The following CUX1 variants were observed in gnomAD, a reference collection of about 807,000 sequenced individuals.
The protein encoded by CUX1 is cut like homeobox 1.
CUX1 carries 31 observed loss-of-function variants against 158.8 expected under a neutral mutation model. The ratio of observed to expected loss-of-function variants is 0.20; its 90% confidence interval spans 0.15 to 0.26. The LOEUF (loss-of-function observed/expected upper bound fraction) is 0.26, where lower values mean the gene tolerates loss of function less well. CUX1 is among the 10% of genes least tolerant of loss of function. The pLI is 1.00. For missense variants in CUX1, 1,589 were observed against 2,014.6 expected, an observed-to-expected ratio of 0.79 and a Z score of 4.04; for synonymous variants, 879 against 862.1, an observed-to-expected ratio of 1.02 and a Z score of -0.34.
intron 1 of CUX1, among the ~76,000 whole-genome samples, chr7:101,844,816 A>G (rs764032741): frequency 6.6e-5 from 10 of 151,994 alleles, no homozygotes; most frequent in Admixed American, 2.6e-4. Context: ...GGGTTTCACC[A>G]CGTTGGCCAG....
chr7:101,918,175 G>A (rs542654353), intron 2 of CUX1, among the ~76,000 whole-genome samples: 1 of 152,312 alleles, frequency 6.6e-6, no homozygotes, highest in African/African-American at 2.4e-5. Context: ...CCTAGTGACA[G>A]TGGAGGAGGA....
chr7:102,233,150 A>AGC (rs1369168732), intron 21 of CUX1, among the ~76,000 whole-genome samples: 1 of 151,022 alleles, frequency 6.6e-6, no homozygotes, highest in Non-Finnish European at 1.5e-5. Flanking sequence ...GCGTGACCTC[A>AGC]GCACATACAA....
chr7:102,229,102 T>A (rs1367512808), intron 21 of CUX1, among the ~76,000 whole-genome samples: 2 of 152,160 alleles, frequency 1.3e-5, no homozygotes, highest in Non-Finnish European at 2.9e-5. Context: ...TGCGAAGCCA[T>A]CTCCATTTCA....
Position 102,254,668 on chromosome 7 carries a change from C to T in CUX1, c.*5626C>T, listed in dbSNP as rs1554541425. The stretch of plus-strand genomic sequence containing the variant: ...AGCCAAAGCTCACATTTAGAAAGCC[C>T]TCAGTGCTTCTGTGGTTTCACCTGG... On this transcript the variant is annotated 3_prime_UTR_variant, in exon 24 of 24. Transcript: ENST00000292535. The T allele has an allele frequency of 1.0e-6, 1 of 985,334 alleles. No individual in the cohort carries two copies. The highest frequency in any genetic ancestry group is 1.7e-5 in the African/African-American group (1 of 57,230). The allele number at this position is 985,334 out of a possible 1,614,324, so 61.0% of individuals were successfully genotyped here.
At chr7:102,282,769 G>C in exon 22 of CUX1, 1 of 1,613,036 alleles carries the variant, frequency 6.2e-7, no homozygotes. Flanking sequence ...CACCTTCTGC[G>C]CCAAGAAGTG....
chr7:102,115,355 C>T (rs1831330901), intron 8 of CUX1, 82 bp downstream of exon 8: 4 of 1,215,520 alleles, frequency 3.3e-6, no homozygotes, highest in African/African-American at 1.5e-5. Flanking sequence ...CGAGAAGGTT[C>T]TTGACCTCTG....
chr7:102,067,641 T>G (rs1825695555), intron 3 of CUX1, among the ~76,000 whole-genome samples: 1 of 152,036 alleles, frequency 6.6e-6, no homozygotes, highest in African/African-American at 2.4e-5. Flanking sequence ...ACTTTTAAAT[T>G]TTTTTTCTAT....
chr7:102,168,887 T>G (rs1326412740), intron 9 of CUX1, among the ~76,000 whole-genome samples: 4 of 117,096 alleles, frequency 3.4e-5, no homozygotes, highest in African/African-American at 1.3e-4. Context: ...GCCAGGCTTT[T>G]CTTTTCTTTT....
chr7:102,038,593 G>A (rs1257896856), intron 3 of CUX1, among the ~76,000 whole-genome samples: 2 of 152,140 alleles, frequency 1.3e-5, no homozygotes, highest in Non-Finnish European at 2.9e-5. Context: ...AAGCCAATTT[G>A]GCATCTGGTG....
intron 1 of CUX1, among the ~76,000 whole-genome samples, chr7:101,894,144 G>T (rs899066223): frequency 3.9e-5 from 6 of 152,174 alleles, no homozygotes; most frequent in Non-Finnish European, 7.3e-5. Flanking sequence ...ACCATAGTGG[G>T]TCGCCAAGTA....
intron 8 of CUX1, among the ~76,000 whole-genome samples, chr7:102,149,560 C>A (rs949259882): frequency 1.3e-5 from 2 of 152,188 alleles, no homozygotes; most frequent in Admixed American, 1.3e-4. Context: ...ATGGTAGGTG[C>A]CCCATGGGCG....
chr7:102,280,629 A>G (rs113918870), intron 19 of CUX1, among the ~76,000 whole-genome samples: 3 of 152,104 alleles, frequency 2.0e-5, no homozygotes, highest in Admixed American at 2.0e-4. Flanking sequence ...CCAGAATGTC[A>G]CACTGAGTAG....
chr7:102,267,102 G>T (rs1320636843), intron 14 of CUX1, among the ~76,000 whole-genome samples: 1 of 152,004 alleles, frequency 6.6e-6, no homozygotes, highest in South Asian at 2.1e-4. Context: ...GTCACCTGAG[G>T]CTACCTGCAG....
intron 3 of CUX1, among the ~76,000 whole-genome samples, chr7:102,064,653 C>T (rs995668764): frequency 3.9e-5 from 6 of 152,190 alleles, no homozygotes; most frequent in African/African-American, 1.4e-4. Flanking sequence ...GATGCTCTTC[C>T]TGGCTGGTAG....
intron 1 of CUX1, among the ~76,000 whole-genome samples, chr7:101,846,036 C>T (rs757582927): frequency 6.6e-6 from 1 of 151,926 alleles, no homozygotes; most frequent in African/African-American, 2.4e-5. Context: ...TGCAGGCTCT[C>T]AGGCCCCACC....
intron 4 of CUX1, among the ~76,000 whole-genome samples, chr7:102,076,231 A>G (rs1266009813): frequency 2.0e-5 from 3 of 152,074 alleles, no homozygotes; most frequent in Admixed American, 2.0e-4. Context: ...AAAAAATACA[A>G]GACATTAGGT....
At position 102,251,188 on chromosome 7, in the gene CUX1, A is replaced by G. The variant is rs1801469329; in HGVS notation, c.*2146A>G. On this transcript the variant is annotated 3_prime_UTR_variant, in exon 24 of 24. Transcript: ENST00000292535. The stretch of plus-strand genomic sequence containing the variant: ...TCTTAGGTCAACATCTTTGGATGAC[A>G]TTTTAATGGTGCATTCATTATTTCT... The G allele has an allele frequency of 3.1e-6, 3 of 969,102 alleles. No homozygotes were observed. Among genetic ancestry groups the G allele is most frequent in the Non-Finnish European group, 3.6e-6 (3 of 826,044 alleles). 60.0% of individuals were successfully genotyped at this position (969,102 alleles called of 1,614,324 possible).
chr7:101,923,819 C>T (rs1026632627), intron 2 of CUX1, among the ~76,000 whole-genome samples: 4 of 152,224 alleles, frequency 2.6e-5, no homozygotes, highest in Non-Finnish European at 4.4e-5. Flanking sequence ...GCCCACCTTG[C>T]AACAGGGAGC....
At chr7:102,051,546 A>C (rs190485828) in intron 3 of CUX1, among the ~76,000 whole-genome samples, 201 of 152,010 alleles carry the variant, frequency 1.3e-3, no homozygotes, top group Non-Finnish European at 1.6e-3. Context: ...TACTTAGGGT[A>C]GGAAAATCAG....
Sources: allele counts gnomAD v4.1 joint callset (sites outside exome capture counted in the v4.1 genomes callset), GRCh38; gene constraint gnomAD v4.1.1; transcripts MANE v1.5; gene names NCBI Gene and HGNC (gene_info 2026-07-23, HGNC 2026-07-21).